MEGF10: variants seen among roughly 807,000 people sequenced by gnomAD.
MEGF10 encodes multiple epidermal growth factor-like domains protein 10.
A neutral mutation model predicts 147.5 loss-of-function variants in MEGF10; 86 were observed. The observed-to-expected ratio is 0.58, with a 90% CI of 0.49 to 0.70. The LOEUF (loss-of-function observed/expected upper bound fraction) is 0.70, where lower values mean the gene tolerates loss of function less well. Among genes scored for constraint, MEGF10 ranks in the 30% least tolerant of loss-of-function variants. The probability of loss-of-function intolerance (pLI) is 0.00; values close to 1 mark genes in which losing one functional copy is unlikely to be tolerated. For synonymous variants in MEGF10, 478 were observed against 525.5 expected (o/e 0.91, Z 1.24); for missense variants, 1,329 against 1,487.3 (o/e 0.89, Z 1.75).
chr5:127,265,583 T>C, the MEGF10 span, among the ~76,000 whole-genome samples: 1 of 152,176 alleles, frequency 6.6e-6, no homozygotes, highest in Non-Finnish European at 1.5e-5. Context: ...CAGCACCTGT[T>C]GTTTCCTGAC....
chr5:127,403,199 G>C (rs552560953), intron 8 of MEGF10, among the ~76,000 whole-genome samples: 1 of 152,158 alleles, frequency 6.6e-6, no homozygotes, highest in Non-Finnish European at 1.5e-5. Flanking sequence ...GCTCATGCGG[G>C]TCTTACTGCC....
At position 127,368,118 on chromosome 5, in the gene MEGF10, G is replaced by C. The variant is rs1383930911; in HGVS notation, c.320-1792G>C. 2.0e-5 allele frequency among the ~76,000 whole-genome samples: 3 copies of C among 152,302 alleles called. No individual in the cohort carries two copies. The East Asian group carries it at 5.8e-4, about 29-fold the overall frequency. Reference sequence around the variant, plus strand: ...AAACACATACCTACAGGTGGAAGCAGACACTGAACCCTGAAGTTGGCACAT... The same window carrying C: ...AAACACATACCTACAGGTGGAAGCACACACTGAACCCTGAAGTTGGCACAT... On this transcript the variant is annotated intron_variant, in intron 4 of 24. Transcript: ENST00000503335.
chr5:127,309,389 GAACTTTTTC>G (rs1263472215), intron 1 of MEGF10, among the ~76,000 whole-genome samples: 4 of 152,126 alleles, frequency 2.6e-5, no homozygotes, highest in African/African-American at 9.7e-5. Context: ...TCCATCTCCA[GAACTTTTTC>G]ATGATCCCAA....
intron 1 of MEGF10, among the ~76,000 whole-genome samples, chr5:127,326,053 C>T (rs914257492): frequency 2.0e-5 from 3 of 151,384 alleles, no homozygotes; most frequent in African/African-American, 7.3e-5. Flanking sequence ...GTAGCTGGGA[C>T]TACAGGTGCA....
chr5:127,248,253 A>C, the MEGF10 span, among the ~76,000 whole-genome samples: 1 of 152,110 alleles, frequency 6.6e-6, no homozygotes, highest in African/African-American at 2.4e-5. Flanking sequence ...CCAGAACAAA[A>C]TATTATACTT....
At chr5:127,450,439 T>G (rs1279543914) in intron 22 of MEGF10, among the ~76,000 whole-genome samples, 2 of 152,162 alleles carry the variant, frequency 1.3e-5, no homozygotes, top group Non-Finnish European at 2.9e-5. Flanking sequence ...AGAACTTCTG[T>G]GATATACCAT....
chr5:127,294,902 C>T (rs1221750711), intron 1 of MEGF10, among the ~76,000 whole-genome samples: 2 of 151,538 alleles, frequency 1.3e-5, no homozygotes, highest in South Asian at 2.1e-4. Context: ...CACCAAATGC[C>T]ACTGAATTAA....
At chr5:127,339,006 G>A (rs1761573584) in intron 2 of MEGF10, 114 bp from the exon 3 acceptor site, 2 of 507,668 alleles carry the variant, frequency 3.9e-6, no homozygotes, top group Non-Finnish European at 6.6e-6. Flanking sequence ...TCTGTTAAAA[G>A]TCACTATGGA....
intron 12 of MEGF10, among the ~76,000 whole-genome samples, 182 bp from the exon 13 acceptor site, chr5:127,422,488 T>C (rs924964825): frequency 4.6e-5 from 7 of 152,050 alleles, no homozygotes; most frequent in African/African-American, 1.7e-4. Flanking sequence ...CACTCCAGTC[T>C]GGGCAACAGA....
chr5:127,359,631 T>C (rs1019547818), intron 4 of MEGF10, among the ~76,000 whole-genome samples: 1 of 152,126 alleles, frequency 6.6e-6, no homozygotes, highest in African/African-American at 2.4e-5. Context: ...ACTCATAGAG[T>C]ATTCTCGCTT....
chr5:127,231,735 G>C, the MEGF10 span, among the ~76,000 whole-genome samples: 1 of 152,222 alleles, frequency 6.6e-6, no homozygotes, highest in Non-Finnish European at 1.5e-5. Flanking sequence ...TAGGCTTCTT[G>C]ATTCTAGGCC....
chr5:127,449,349 A>G, intron 22 of MEGF10, 127 bp downstream of exon 22: 1 of 1,274,572 alleles, frequency 7.8e-7, no homozygotes, highest in South Asian at 1.4e-5. Context: ...TAGCAGAATT[A>G]TGCCTAACAC....
At chr5:127,367,805 C>A (rs1169488239) in intron 4 of MEGF10, among the ~76,000 whole-genome samples, 1 of 152,170 alleles carries the variant, frequency 6.6e-6, no homozygotes, top group Admixed American at 6.6e-5. Flanking sequence ...TAGATGCCAT[C>A]AGTACCTAAG....
intron 10 of MEGF10, 145 bp from the exon 11 acceptor site, chr5:127,418,975 C>A: frequency 1.1e-6 from 1 of 950,146 alleles, no homozygotes; most frequent in Non-Finnish European, 1.5e-6. Flanking sequence ...ATAGTGGTGA[C>A]ATTATGACAA....
chr5:127,362,471 G>A (rs1381979330), intron 4 of MEGF10, among the ~76,000 whole-genome samples: 1 of 151,272 alleles, frequency 6.6e-6, no homozygotes, highest in East Asian at 1.9e-4. Context: ...CCAGGTTCAC[G>A]CCATTCTCCT....
At chr5:127,250,401 T>A in the MEGF10 span, among the ~76,000 whole-genome samples, 30 of 151,886 alleles carry the variant, frequency 2.0e-4, no homozygotes, top group South Asian at 3.1e-3. Context: ...ATAAAAAAAA[T>A]TTATGACATT....
chr5:127,347,645 A>G (rs996972942), intron 4 of MEGF10, among the ~76,000 whole-genome samples: 3 of 152,120 alleles, frequency 2.0e-5, no homozygotes, highest in African/African-American at 7.2e-5. Context: ...AAATTCAAAT[A>G]TGGACATCCT....
intron 5 of MEGF10, among the ~76,000 whole-genome samples, chr5:127,386,372 T>C (rs1285879740): frequency 1.3e-5 from 2 of 152,240 alleles, no homozygotes; most frequent in South Asian, 4.1e-4. Context: ...GGCAATGCTG[T>C]CCAGATTTTA....
At chr5:127,395,487 T>G (rs550355965) in intron 5 of MEGF10, among the ~76,000 whole-genome samples, 94 of 151,996 alleles carry the variant, frequency 6.2e-4, no homozygotes, top group African/African-American at 2.1e-3. Flanking sequence ...CCCTTTTTTT[T>G]GGTCAGTAAT....
Sources: allele counts gnomAD v4.1 joint callset (sites outside exome capture counted in the v4.1 genomes callset), GRCh38; gene constraint gnomAD v4.1.1; transcripts MANE v1.5; gene names NCBI Gene and HGNC (gene_info 2026-07-23, HGNC 2026-07-21).